The following TMEM178B variants were observed in gnomAD, a reference collection of about 807,000 sequenced individuals.
TMEM178B encodes transmembrane protein 178B.
In TMEM178B, 5 loss-of-function variants were observed where a neutral mutation model predicts 31.0. That is an observed-to-expected ratio of 0.16 (90% CI 0.08 to 0.34). TMEM178B has a LOEUF of 0.34. Ranked by LOEUF, TMEM178B falls within the 10% of genes least tolerant of loss-of-function variation. The pLI, the probability that TMEM178B is intolerant of heterozygous loss-of-function variation, is 1.00. For synonymous variants in TMEM178B, 164 were observed against 164.0 expected (o/e 1.00, Z 0.00); for missense variants, 275 against 400.3 (o/e 0.69, Z 2.67).
At chr7:141,101,908 CGTGTGTGTGT>C (rs3032868) in intron 1 of TMEM178B, among the ~76,000 whole-genome samples, 6 of 142,712 alleles carry the variant, frequency 4.2e-5, no homozygotes, top group South Asian at 2.3e-4. Context: ...TGTGTGTTAA[CGTGTGTGTGT>C]GTGTGTGTGT....
chr7:141,079,320 T>G (rs1011901810), intron 1 of TMEM178B, among the ~76,000 whole-genome samples: 2 of 152,128 alleles, frequency 1.3e-5, no homozygotes, highest in Non-Finnish European at 2.9e-5. Flanking sequence ...TTTCCGTAGT[T>G]GTATTGGCCA....
At chr7:141,198,316 A>G (rs540346552) in intron 1 of TMEM178B, among the ~76,000 whole-genome samples, 12 of 152,322 alleles carry the variant, frequency 7.9e-5, no homozygotes, top group African/African-American at 2.6e-4. Context: ...GAAGCTGGCC[A>G]GCAGAGTGTC....
intron 1 of TMEM178B, among the ~76,000 whole-genome samples, chr7:141,175,448 C>G (rs576263217): frequency 2.0e-4 from 31 of 152,186 alleles, no homozygotes; most frequent in African/African-American, 7.2e-4. Flanking sequence ...TATGCATGCC[C>G]TTTTTTGGTT....
chr7:141,231,181 G>T (rs34442716), intron 2 of TMEM178B, among the ~76,000 whole-genome samples: 1 of 152,040 alleles, frequency 6.6e-6, no homozygotes, highest in African/African-American at 2.4e-5. Flanking sequence ...CATTTCCAGC[G>T]CCTAGAACAG....
At chr7:141,497,413 T>C in the TMEM178B span, among the ~76,000 whole-genome samples, 6 of 152,214 alleles carry the variant, frequency 3.9e-5, no homozygotes. Context: ...CCAAATTCCT[T>C]AACTTTAAGT....
intron 2 of TMEM178B, among the ~76,000 whole-genome samples, chr7:141,236,878 A>G (rs1381085473): frequency 6.6e-6 from 1 of 152,260 alleles, no homozygotes; most frequent in East Asian, 1.9e-4. Context: ...AGGCAAGGAA[A>G]TTGGGAAAAT....
chr7:141,272,834 T>G (rs1006908568), intron 2 of TMEM178B, among the ~76,000 whole-genome samples: 9 of 152,202 alleles, frequency 5.9e-5, no homozygotes, highest in African/African-American at 2.2e-4. Context: ...AAATTAAAAA[T>G]AGACCTACCG....
At chr7:141,215,830 CTTTCTTTCT>C (rs202057744) in intron 2 of TMEM178B, among the ~76,000 whole-genome samples, 260 of 38,124 alleles carry the variant, frequency 6.8e-3, no homozygotes, top group Admixed American at 0.041. Flanking sequence ...TTCTTTCTTT[CTTTCTTTCT>C]TTTCTTTTCT....
chr7:141,206,779 T>C (rs1796974160), intron 1 of TMEM178B, among the ~76,000 whole-genome samples: 1 of 152,218 alleles, frequency 6.6e-6, no homozygotes, highest in African/African-American at 2.4e-5. Flanking sequence ...CTCCCTGTTT[T>C]GCTGTTAATG....
intron 2 of TMEM178B, among the ~76,000 whole-genome samples, chr7:141,322,144 T>C (rs1799110655): frequency 1.3e-5 from 2 of 152,168 alleles, no homozygotes; most frequent in Non-Finnish European, 2.9e-5. Context: ...TCAATAAATG[T>C]AGCCTTTTTT....
chr7:141,319,862 T>G (rs1799068777), intron 2 of TMEM178B, among the ~76,000 whole-genome samples: 1 of 152,222 alleles, frequency 6.6e-6, no homozygotes, highest in Non-Finnish European at 1.5e-5. Flanking sequence ...AGCAAGTTTC[T>G]TAATATCTCA....
At chr7:141,359,888 A>G (rs1799888149) in intron 2 of TMEM178B, among the ~76,000 whole-genome samples, 1 of 152,210 alleles carries the variant, frequency 6.6e-6, no homozygotes, top group South Asian at 2.1e-4. Context: ...CGAAAGGCAC[A>G]AGGCATGTCT....
At chr7:141,354,711 A>C (rs1056188594) in intron 2 of TMEM178B, among the ~76,000 whole-genome samples, 2 of 151,766 alleles carry the variant, frequency 1.3e-5, no homozygotes, top group Non-Finnish European at 2.9e-5. Flanking sequence ...CACACTCTCC[A>C]CCTTTGTGGT....
intron 3 of TMEM178B, among the ~76,000 whole-genome samples, chr7:141,440,900 G>GA (rs1186347020): frequency 2.0e-5 from 3 of 152,112 alleles, no homozygotes; most frequent in Admixed American, 1.3e-4. Flanking sequence ...AGAGTCTGGG[G>GA]AAAAAACGGA....
intron 1 of TMEM178B, among the ~76,000 whole-genome samples, chr7:141,130,448 C>T (rs533451520): frequency 6.6e-6 from 1 of 152,088 alleles, no homozygotes; most frequent in Non-Finnish European, 1.5e-5. Context: ...TTTATGTTTG[C>T]CTTCTTTCAC....
intron 1 of TMEM178B, among the ~76,000 whole-genome samples, chr7:141,138,061 CA>C (rs1795703565): frequency 6.8e-6 from 1 of 147,498 alleles, no homozygotes; most frequent in Non-Finnish European, 1.5e-5. Flanking sequence ...TTTTAAAATT[CA>C]ATTTTTTTTT....
At chr7:141,510,199 A>G in the TMEM178B span, among the ~76,000 whole-genome samples, 1 of 152,330 alleles carries the variant, frequency 6.6e-6, no homozygotes, top group Admixed American at 6.5e-5. Flanking sequence ...TGCAGCATCC[A>G]GGTAAGCCCA....
chr7:141,482,592 A>G (rs1802496672), downstream of TMEM178B, among the ~76,000 whole-genome samples: 1 of 152,206 alleles, frequency 6.6e-6, no homozygotes, highest in Admixed American at 6.5e-5. Context: ...GGCTGGTATT[A>G]AATTCTTCTT....
intron 3 of TMEM178B, among the ~76,000 whole-genome samples, chr7:141,445,383 G>C (rs929401625): frequency 1.3e-5 from 2 of 152,206 alleles, no homozygotes; most frequent in Non-Finnish European, 2.9e-5. Context: ...CTTTTAGACA[G>C]TAAAATGATT....
Sources: allele counts gnomAD v4.1 joint callset (sites outside exome capture counted in the v4.1 genomes callset), GRCh38; gene constraint gnomAD v4.1.1; transcripts MANE v1.5; gene names NCBI Gene and HGNC (gene_info 2026-07-23, HGNC 2026-07-21).